RBFOX1: variants seen among roughly 807,000 people sequenced by gnomAD.
RBFOX1 encodes the protein RNA binding fox-1 homolog 1, also known as RNA binding protein fox-1 homolog 1.
A neutral mutation model predicts 57.7 loss-of-function variants in RBFOX1; 8 were observed. The ratio of observed to expected loss-of-function variants is 0.14; its 90% CI spans 0.08 to 0.25. The LOEUF (loss-of-function observed/expected upper bound fraction) is 0.25. RBFOX1 is among the 10% of genes least tolerant of loss of function. RBFOX1 has a pLI of 1.00. For missense variants in RBFOX1, 611 were observed against 548.5 expected, an observed-to-expected ratio of 1.11 and a Z score of -1.14; for synonymous variants, 326 against 222.4, an observed-to-expected ratio of 1.47 and a Z score of -4.15.
At chr16:5,621,424 T>G (rs1434403157) in intron 3 of RBFOX1, among the ~76,000 whole-genome samples, 1 of 152,208 alleles carries the variant, frequency 6.6e-6, no homozygotes, top group Admixed American at 6.5e-5. Context: ...GCTTTGCATG[T>G]TATTTAATTT....
At chr16:6,344,967 G>A (rs2085147091) in intron 2 of RBFOX1, among the ~76,000 whole-genome samples, 1 of 152,066 alleles carries the variant, frequency 6.6e-6, no homozygotes, top group African/African-American at 2.4e-5. Context: ...GCCCGGCCTG[G>A]TCTTACAGAA....
intron 3 of RBFOX1, among the ~76,000 whole-genome samples, chr16:6,923,940 C>T (rs1039006815): frequency 1.2e-4 from 19 of 152,092 alleles, no homozygotes; most frequent in African/African-American, 4.6e-4. Flanking sequence ...GAGGCTGAGT[C>T]AGGCAGATCA....
At chr16:5,788,306 A>G (rs1469147141) in intron 3 of RBFOX1, among the ~76,000 whole-genome samples, 1 of 152,110 alleles carries the variant, frequency 6.6e-6, no homozygotes, top group Non-Finnish European at 1.5e-5. Context: ...CTTATTGGAG[A>G]CATTTAGCGC....
chr16:5,701,713 T>A (rs901500897), intron 3 of RBFOX1, among the ~76,000 whole-genome samples: 2 of 152,138 alleles, frequency 1.3e-5, no homozygotes, highest in African/African-American at 4.8e-5. Flanking sequence ...GGACTACAGG[T>A]GTGAGCCACC....
At chr16:7,170,512 G>T in intron 4 of RBFOX1, among the ~76,000 whole-genome samples, 2 of 152,202 alleles carry the variant, frequency 1.3e-5, no homozygotes, top group South Asian at 4.2e-4. Flanking sequence ...CTCAGCTCAA[G>T]TATGAGTAGA....
intron 14 of RBFOX1, among the ~76,000 whole-genome samples, chr16:7,682,481 T>C (rs1285088739): frequency 8.5e-6 from 1 of 118,042 alleles, no homozygotes; most frequent in Admixed American, 9.1e-5. Flanking sequence ...ACGTGGCAAA[T>C]AAGCCAAAGT....
intron 4 of RBFOX1, among the ~76,000 whole-genome samples, chr16:7,414,680 C>G (rs774736369): frequency 9.2e-5 from 14 of 152,098 alleles, no homozygotes; most frequent in Admixed American, 4.6e-4. Flanking sequence ...TGTGGTGATG[C>G]GATCTCAGTT....
Position 6,134,892 on chromosome 16 carries a change from C to T in RBFOX1, c.-127+114900C>T, listed in dbSNP as rs1433966204. ...TAAGTTCTAGGGTACATATGCACAACGTGCAGGGTTGTTACATATGTATGC... is the reference window on the plus strand; with the variant it reads ...TAAGTTCTAGGGTACATATGCACAATGTGCAGGGTTGTTACATATGTATGC... On this transcript the variant is annotated intron_variant, in intron 1 of 15. Coordinates refer to ENST00000550418, the MANE Select transcript of RBFOX1 (RefSeq NM_018723.4). Among the ~76,000 whole-genome samples, 15 of 151,916 alleles carry T rather than the reference C, an allele frequency of 9.9e-5. No homozygotes were observed. In the East Asian group the frequency reaches 1.9e-3, roughly 20 times the overall value.
Position 5,957,598 on chromosome 16 carries a change from C to G in RBFOX1, c.351+90263C>G, listed in dbSNP as rs2059670561. 2.0e-5 allele frequency among the ~76,000 whole-genome samples: 3 copies of G among 152,314 alleles called. No homozygotes were observed. The South Asian group carries it at 6.2e-4, about 32-fold the overall frequency. On this transcript the variant is annotated intron_variant, in intron 4 of 19. Coordinates refer to the RBFOX1 transcript ENST00000641259. ...CCTTCATATGTGGAAGCAGGAGTCT[C>G]TCAGCAAGTAATCTTCAATCACTTG...
chr16:7,548,953 C>A (rs2085464959), intron 5 of RBFOX1, among the ~76,000 whole-genome samples: 1 of 152,186 alleles, frequency 6.6e-6, no homozygotes, highest in South Asian at 2.1e-4. Context: ...CAAGGAAAAG[C>A]CACCATCCCA....
chr16:6,877,844 C>A (rs570383492), intron 3 of RBFOX1, among the ~76,000 whole-genome samples: 113 of 152,246 alleles, frequency 7.4e-4, no homozygotes, highest in Admixed American at 1.2e-3. Flanking sequence ...TTCTTCCTAT[C>A]CCCAAAATAC....
intron 1 of RBFOX1, among the ~76,000 whole-genome samples, chr16:5,300,148 A>C (rs549543709): frequency 1.3e-5 from 2 of 152,256 alleles, no homozygotes; most frequent in African/African-American, 4.8e-5. Context: ...TCCTGAGATA[A>C]ATCTCATTTG....
intron 3 of RBFOX1, among the ~76,000 whole-genome samples, chr16:5,770,907 T>TA (rs2151675576): frequency 6.6e-6 from 1 of 152,316 alleles, no homozygotes; most frequent in South Asian, 2.1e-4. Context: ...TCTTACTGGG[T>TA]AAGCAAGACA....
chr16:5,892,770 C>T (rs1298741608), intron 4 of RBFOX1, among the ~76,000 whole-genome samples: 1 of 152,108 alleles, frequency 6.6e-6, no homozygotes, highest in African/African-American at 2.4e-5. Context: ...ATTTTAGGAA[C>T]AGCATGTGCA....
chr16:7,630,716 T>C, intron 11 of RBFOX1, 33 bp downstream of exon 11: 1 of 1,613,324 alleles, frequency 6.2e-7, no homozygotes, highest in Non-Finnish European at 8.5e-7. Context: ...TTTTGTTTTG[T>C]GACATAAATC....
At chr16:7,106,984 A>AACACAC (rs61104403) in intron 4 of RBFOX1, among the ~76,000 whole-genome samples, 6 of 148,514 alleles carry the variant, frequency 4.0e-5, no homozygotes, top group Non-Finnish European at 5.9e-5. Context: ...ACACAGTTAA[A>AACACAC]ACACACACAC....
At chr16:7,143,555 C>T (rs983085702) in intron 4 of RBFOX1, among the ~76,000 whole-genome samples, 4 of 152,090 alleles carry the variant, frequency 2.6e-5, no homozygotes, top group African/African-American at 4.8e-5. Flanking sequence ...AATAACAATA[C>T]CTTGTATTTA....
intron 3 of RBFOX1, among the ~76,000 whole-genome samples, chr16:6,872,346 T>A (rs957365992): frequency 4.6e-5 from 7 of 152,192 alleles, no homozygotes; most frequent in South Asian, 2.1e-4. Context: ...TCTCTCTGTT[T>A]CTCTCTTTTT....
intron 3 of RBFOX1, among the ~76,000 whole-genome samples, chr16:6,997,841 A>T (rs991990830): frequency 2.0e-5 from 3 of 152,192 alleles, no homozygotes; most frequent in African/African-American, 7.2e-5. Context: ...GTCTTCTAGT[A>T]ATAGCAGGAA....
Sources: allele counts gnomAD v4.1 joint callset (sites outside exome capture counted in the v4.1 genomes callset), GRCh38; gene constraint gnomAD v4.1.1; transcripts MANE v1.5; gene names NCBI Gene and HGNC (gene_info 2026-07-23, HGNC 2026-07-21).